Variants in PREX1 observed in about 807,000 individuals in gnomAD.
PREX1 encodes the protein phosphatidylinositol 3,4,5-trisphosphate-dependent Rac exchanger 1 protein.
In PREX1, 41 loss-of-function variants were observed where a neutral mutation model predicts 198.3. That is an observed-to-expected ratio of 0.21 (90% CI 0.16 to 0.27). The LOEUF is 0.27. PREX1 is among the 10% of genes least tolerant of loss of function. The pLI is 1.00. For synonymous variants in PREX1, 843 were observed against 887.2 expected, an observed-to-expected ratio of 0.95 and a Z score of 0.89; for missense variants, 1,620 against 2,200.7, an observed-to-expected ratio of 0.74 and a Z score of 5.28.
intron 3 of PREX1, among the ~76,000 whole-genome samples, chr20:48,742,260 C>G (rs1413940830): frequency 6.6e-6 from 1 of 152,114 alleles, no homozygotes; most frequent in East Asian, 1.9e-4. Flanking sequence ...TGGGAGGTGC[C>G]AGAAAGCGCT....
At chr20:48,714,943 C>A (rs2089955064) in intron 5 of PREX1, among the ~76,000 whole-genome samples, 5 of 152,134 alleles carry the variant, frequency 3.3e-5, no homozygotes, top group Admixed American at 2.6e-4. Context: ...TCTTCAAAGC[C>A]AACGAGAGCT....
intron 15 of PREX1, among the ~76,000 whole-genome samples, chr20:48,661,852 C>A (rs2089599056): frequency 6.6e-6 from 1 of 152,098 alleles, no homozygotes; most frequent in Non-Finnish European, 1.5e-5. Flanking sequence ...CTCCTCTCCC[C>A]ACACTGTCCA....
chr20:48,854,462 G>C, the PREX1 span, among the ~76,000 whole-genome samples: 1 of 152,150 alleles, frequency 6.6e-6, no homozygotes, highest in Admixed American at 6.6e-5. Context: ...TTGGGAGGCT[G>C]AGGTGGGAGG....
the PREX1 span, among the ~76,000 whole-genome samples, chr20:48,843,330 T>G: frequency 1.3e-5 from 2 of 152,164 alleles, no homozygotes; most frequent in African/African-American, 4.8e-5. Context: ...TTGGTCAGGA[T>G]TGGGTCATGT....
In PREX1 at chr20:48,697,467, G is replaced by A. The variant is rs181403842; in HGVS notation, c.917+3286C>T. Among the ~76,000 whole-genome samples, 248 of 150,714 alleles carry A rather than the reference G, an allele frequency of 1.6e-3. 1 individual carries two copies. Among genetic ancestry groups the A allele is most frequent in the African/African-American group, 5.3e-3 (218 of 40,964 alleles). ...GCCACCTCAGCTCACTGCAACCTCCGCCTCCTGGGTTCAAGTGATTCTCCT... is the reference window on the plus strand; with the variant it reads ...GCCACCTCAGCTCACTGCAACCTCCACCTCCTGGGTTCAAGTGATTCTCCT... On this transcript the variant is annotated intron_variant, in intron 7 of 39. Transcript: ENST00000371941.
intron 10 of PREX1, 40 bp downstream of exon 10, chr20:48,688,617 G>C (rs200670621): frequency 6.2e-7 from 1 of 1,612,122 alleles, no homozygotes; most frequent in East Asian, 2.2e-5. Context: ...CTCCAGCTGA[G>C]AGCCCAGGGA....
chr20:48,679,474 G>C (rs1000267751), intron 12 of PREX1, 65 bp from the exon 13 acceptor site: 3 of 1,533,226 alleles, frequency 2.0e-6, no homozygotes, highest in Non-Finnish European at 2.7e-6. Context: ...CCAAATCCAG[G>C]CTGATGGGAG....
chr20:48,808,356 A>G (rs1211374393), intron 1 of PREX1, among the ~76,000 whole-genome samples: 1 of 152,184 alleles, frequency 6.6e-6, no homozygotes, highest in African/African-American at 2.4e-5. Context: ...AGGTCACATC[A>G]TTAACACCAC....
chr20:48,687,663 A>C (rs1023124244), intron 10 of PREX1, among the ~76,000 whole-genome samples: 1 of 152,250 alleles, frequency 6.6e-6, no homozygotes, highest in Non-Finnish European at 1.5e-5. Flanking sequence ...CTGCACCACA[A>C]GCTTCATGAG....
intron 15 of PREX1, among the ~76,000 whole-genome samples, chr20:48,661,627 C>T (rs1306374984): frequency 4.7e-5 from 7 of 148,798 alleles, no homozygotes; most frequent in Non-Finnish European, 1.0e-4. Flanking sequence ...CCAGTATCAA[C>T]CAATTGGTGA....
chr20:48,827,508 G>T lies in PREX1; in HGVS notation c.219+134C>A. The T allele has an allele frequency of 1.6e-6, 1 of 623,946 alleles. No individual in the cohort carries two copies. The highest frequency in any genetic ancestry group is 2.3e-6 in the Non-Finnish European group (1 of 440,000). The allele number at this position is 623,946 out of a possible 1,614,324, so 38.7% of individuals were successfully genotyped here. A position where few individuals can be genotyped will look rare whatever the true frequency, so the allele number is the denominator to read the frequency against. On this transcript the variant is annotated intron_variant, in intron 1 of 39. Transcript: ENST00000371941. This position sits in a 1 kb window ranked among gnomAD's most constrained non-coding sequence, Gnocchi z 4.1. ...CTCTGGAGGAGCTCGGATCCCCCCC[G>T]CTTTCCGCGCGCCCTGCGGGGCGCC...
intron 1 of PREX1, among the ~76,000 whole-genome samples, chr20:48,805,828 C>T (rs2090409440): frequency 6.6e-6 from 1 of 152,210 alleles, no homozygotes; most frequent in African/African-American, 2.4e-5. Flanking sequence ...TGCCAACTGA[C>T]AATGAGACTT....
At chr20:48,833,702 A>G in the PREX1 span, among the ~76,000 whole-genome samples, 1 of 152,114 alleles carries the variant, frequency 6.6e-6, no homozygotes. Flanking sequence ...TCGACCTCCC[A>G]AAATGCTGGG....
chr20:48,782,017 G>A (rs2090291959), intron 1 of PREX1, among the ~76,000 whole-genome samples: 1 of 152,192 alleles, frequency 6.6e-6, no homozygotes, highest in Admixed American at 6.5e-5. Flanking sequence ...AAAATCAGGG[G>A]AGCCAATGCT....
intron 7 of PREX1, among the ~76,000 whole-genome samples, chr20:48,696,977 T>TACACACACACAC (rs11467059): frequency 0.023 from 3,492 of 148,664 alleles, 60 homozygotes; most frequent in East Asian, 0.08. Context: ...TAAATCTCTT[T>TACACACACACAC]ACACACACAC....
rs78640425 is a variant in PREX1, at chr20:48,783,019, C to T, written c.220-35139G>A. 3.6e-3 allele frequency among the ~76,000 whole-genome samples: 552 copies of T among 152,254 alleles called. 22 individuals are homozygous for T. In the East Asian group the frequency reaches 0.09, roughly 25 times the overall value. The stretch of plus-strand genomic sequence containing the variant: ...GAGTGCTGGTTAACAGCACAGCCTC[C>T]GGAACCAGGTTGCCTGGGTTTACAC... On this transcript the variant is annotated intron_variant, in intron 1 of 39. Coordinates refer to ENST00000371941, the MANE Select transcript of PREX1 (RefSeq NM_020820.4).
intron 1 of PREX1, among the ~76,000 whole-genome samples, chr20:48,772,483 G>A (rs1156810641): frequency 6.6e-6 from 1 of 152,202 alleles, no homozygotes; most frequent in Non-Finnish European, 1.5e-5. Flanking sequence ...GCCATAGGAG[G>A]ACAGCACTCC....
At chr20:48,883,771 G>A in the PREX1 span, among the ~76,000 whole-genome samples, 1 of 151,984 alleles carries the variant, frequency 6.6e-6, no homozygotes, top group Admixed American at 6.6e-5. Context: ...GCATTTTCAT[G>A]GACTGATAGA....
Position 48,786,778 on chromosome 20 carries a change from A to G in PREX1, c.220-38898T>C, listed in dbSNP as rs1348956742. The stretch of plus-strand genomic sequence containing the variant: ...GAGAAAGAAAGAAAAGAAAAAAAAG[A>G]GAAGAGTAGAAAAGAAAAGAAAGAG... On this transcript the variant is annotated intron_variant, in intron 1 of 39. Transcript: ENST00000371941. Among the ~76,000 whole-genome samples the G allele has an allele frequency of 2.0e-5, 3 of 150,604 alleles. No homozygotes were observed. In the South Asian group the frequency reaches 6.3e-4, roughly 32 times the overall value.
Sources: allele counts gnomAD v4.1 joint callset (sites outside exome capture counted in the v4.1 genomes callset), GRCh38; gene constraint gnomAD v4.1.1; non-coding constraint Gnocchi (gnomAD v3.1); transcripts MANE v1.5; gene names NCBI Gene and HGNC (gene_info 2026-07-23, HGNC 2026-07-21).